Variants in FAF1 observed in about 807,000 individuals in gnomAD.
FAF1 encodes FAS-associated factor 1.
A neutral mutation model predicts 92.5 loss-of-function variants in FAF1; 25 were observed. The observed-to-expected ratio is 0.27, with a 90% CI of 0.20 to 0.38. The LOEUF is 0.38. Ranked by LOEUF, FAF1 falls within the 10% of genes least tolerant of loss-of-function variation. The pLI, the probability that FAF1 is intolerant of heterozygous loss-of-function variation, is 1.00. For synonymous variants in FAF1, 234 were observed against 273.2 expected (o/e 0.86, Z 1.42); for missense variants, 636 against 793.3 (o/e 0.80, Z 2.38).
rs151029328 is a variant in FAF1 at position 50,605,290 on chromosome 1, T to C, written c.745-9074A>G. The stretch of plus-strand genomic sequence containing the variant: ...CAATATTCTTGTACTTCATTACTTA[T>C]TGATTTTAGTGAGTACACTAGAAGA... On this transcript the variant is annotated intron_variant, in intron 8 of 18. Coordinates refer to ENST00000396153, the MANE Select transcript of FAF1 (RefSeq NM_007051.3). 9.5e-4 allele frequency among the ~76,000 whole-genome samples: 145 copies of C among 152,330 alleles called. 3 individuals are homozygous for C. The East Asian group carries it at 0.023, about 25-fold the overall frequency.
At chr1:50,648,753 C>T (rs114525520) in intron 8 of FAF1, among the ~76,000 whole-genome samples, 3,896 of 152,152 alleles carry the variant, frequency 0.026, 60 homozygotes, top group Non-Finnish European at 0.042. Flanking sequence ...ATGGAGAAGC[C>T]CCAGCTCTAC....
chr1:50,952,496 A>G (rs1283343090), intron 1 of FAF1, among the ~76,000 whole-genome samples: 1 of 152,174 alleles, frequency 6.6e-6, no homozygotes, highest in African/African-American at 2.4e-5. Context: ...GGCCTCCCAA[A>G]GTGCCGAGAT....
intron 15 of FAF1, among the ~76,000 whole-genome samples, chr1:50,517,786 T>C (rs1307456852): frequency 2.6e-5 from 4 of 152,246 alleles, no homozygotes; most frequent in African/African-American, 9.6e-5. Context: ...TCCTTTTCTA[T>C]AAAATGGGTA....
chr1:50,839,034 C>T (rs1028438778), intron 2 of FAF1, among the ~76,000 whole-genome samples: 1 of 152,102 alleles, frequency 6.6e-6, no homozygotes, highest in African/African-American at 2.4e-5. Context: ...ACCTCAGGTA[C>T]TGCTTTTTTT....
intron 15 of FAF1, among the ~76,000 whole-genome samples, chr1:50,520,574 C>G (rs1179426316): frequency 6.6e-6 from 1 of 152,170 alleles, no homozygotes; most frequent in African/African-American, 2.4e-5. Context: ...AGGCCATGCA[C>G]AGGGGCTCGC....
At position 50,592,236 on chromosome 1, in the gene FAF1, A is replaced by ATTGAAACTG. The variant is rs1488123406; in HGVS notation, c.840+3884_840+3885insCAGTTTCAA. Among the ~76,000 whole-genome samples the ATTGAAACTG allele has an allele frequency of 2.0e-5, 3 of 149,852 alleles. No individual in the cohort carries two copies. The East Asian group carries it at 5.9e-4, about 30-fold the overall frequency. ...ATTCAATAAATGTTTCTTTAACCAT[A>ATTGAAACTG]GTTATAAACTGATGCTTTTAACATT... On this transcript the variant is annotated intron_variant, in intron 9 of 18. Transcript: ENST00000396153.
At chr1:50,451,109 G>T (rs1230116186) in intron 18 of FAF1, among the ~76,000 whole-genome samples, 1 of 152,196 alleles carries the variant, frequency 6.6e-6, no homozygotes, top group African/African-American at 2.4e-5. Context: ...GCTAGAGAGT[G>T]AGGCTGGGTG....
intron 18 of FAF1, among the ~76,000 whole-genome samples, chr1:50,456,759 A>T (rs1180660746): frequency 6.6e-6 from 1 of 152,184 alleles, no homozygotes; most frequent in East Asian, 1.9e-4. Context: ...CTGACAAGAA[A>T]AGAATTTAGA....
In FAF1 at chr1:50,960,264, G is replaced by A. The variant is rs954555955; in HGVS notation, c.-453C>T. ...CTCCCTGGCCGCCGCCTCCGCCCCTGGTTGGCCAGCGCCACGGCTGTCGCA... is the reference window on the plus strand; with the variant it reads ...CTCCCTGGCCGCCGCCTCCGCCCCTAGTTGGCCAGCGCCACGGCTGTCGCA... On this transcript the variant is annotated 5_prime_UTR_variant, in exon 1 of 19. Transcript: ENST00000396153. 3 of 330,298 alleles carry A rather than the reference G, an allele frequency of 9.1e-6. No individual in the cohort carries two copies. Among genetic ancestry groups the A allele is most frequent in the African/African-American group, 2.2e-5 (1 of 46,202 alleles). 20.5% of individuals were successfully genotyped at this position (330,298 alleles called of 1,614,324 possible). A position where few individuals can be genotyped will look rare whatever the true frequency, so the allele number is the denominator to read the frequency against.
chr1:50,591,865 G>T (rs1337720753), intron 9 of FAF1, among the ~76,000 whole-genome samples: 4 of 151,978 alleles, frequency 2.6e-5, no homozygotes, highest in African/African-American at 9.7e-5. Context: ...TCTCTGAATG[G>T]AATGAATGGA....
intron 13 of FAF1, among the ~76,000 whole-genome samples, chr1:50,546,173 A>C (rs1649006045): frequency 6.6e-6 from 1 of 152,212 alleles, no homozygotes; most frequent in Non-Finnish European, 1.5e-5. Flanking sequence ...GTCTAAATCA[A>C]TCAATCTTGG....
rs564743325 is a variant in FAF1, at chr1:50,773,311, C to T, written c.367+14689G>A. On this transcript the variant is annotated intron_variant, in intron 4 of 18. Transcript: ENST00000396153. ...GACATTTAAAAATGTGACATCAGAT[C>T]CAGCCATCCCACTTCTGAGTCTGCA... Among the ~76,000 whole-genome samples the T allele has an allele frequency of 2.6e-5, 4 of 152,222 alleles. No individual in the cohort carries two copies. The East Asian group carries it at 5.8e-4, about 22-fold the overall frequency.
At chr1:50,871,245 T>C (rs1056954808) in intron 1 of FAF1, among the ~76,000 whole-genome samples, 1 of 152,198 alleles carries the variant, frequency 6.6e-6, no homozygotes, top group Non-Finnish European at 1.5e-5. Context: ...AACATGAAAA[T>C]GCAAGGTGAA....
intron 4 of FAF1, among the ~76,000 whole-genome samples, chr1:50,762,373 C>T (rs1364990196): frequency 1.3e-5 from 2 of 152,068 alleles, no homozygotes; most frequent in Non-Finnish European, 2.9e-5. Context: ...AAAGAGTCTG[C>T]ATCGCCAAGT....
chr1:50,671,805 A>C (rs1374087109), intron 7 of FAF1, among the ~76,000 whole-genome samples: 1 of 148,780 alleles, frequency 6.7e-6, no homozygotes, highest in Non-Finnish European at 1.5e-5. Context: ...TGAACATATT[A>C]AATTTTATTA....
intron 8 of FAF1, among the ~76,000 whole-genome samples, chr1:50,610,256 C>G (rs956800394): frequency 6.6e-6 from 1 of 152,074 alleles, no homozygotes; most frequent in African/African-American, 2.4e-5. Flanking sequence ...ACACTGAATA[C>G]CTCTCAAAGA....
At chr1:50,650,140 C>T (rs1489277593) in intron 8 of FAF1, among the ~76,000 whole-genome samples, 3 of 147,416 alleles carry the variant, frequency 2.0e-5, no homozygotes, top group Non-Finnish European at 4.5e-5. Flanking sequence ...CAAAATTAGC[C>T]GGGCGTGGTG....
At chr1:50,847,561 G>A (rs778084697) in intron 2 of FAF1, among the ~76,000 whole-genome samples, 1 of 151,610 alleles carries the variant, frequency 6.6e-6, no homozygotes, top group African/African-American at 2.4e-5. Context: ...TACTCAAACT[G>A]AAACACACTG....
intron 1 of FAF1, among the ~76,000 whole-genome samples, chr1:50,935,595 C>G (rs1645079756): frequency 6.6e-6 from 1 of 151,944 alleles, no homozygotes; most frequent in African/African-American, 2.4e-5. Context: ...CTCAGCCTCC[C>G]AGGTAGCTGG....
Sources: gnomAD v4.1 joint callset for allele counts (sites outside exome capture counted in the v4.1 genomes callset) on GRCh38, gnomAD v4.1.1 for gene constraint, MANE v1.5 for transcripts, NCBI Gene and HGNC (gene_info 2026-07-23, HGNC 2026-07-21) for gene names.